Variants in SLC44A5 observed in about 807,000 individuals in gnomAD.
SLC44A5 encodes solute carrier family 44 member 5, also known as choline transporter-like protein 5.
Under a neutral mutation model 101.8 loss-of-function variants are expected in SLC44A5, and 57 were observed. That is an observed-to-expected ratio of 0.56 (90% CI 0.45 to 0.70). The LOEUF (loss-of-function observed/expected upper bound fraction) is 0.70, where lower values mean the gene tolerates loss of function less well. SLC44A5 is among the 30% of genes least tolerant of loss of function. The pLI, the probability that SLC44A5 is intolerant of heterozygous loss-of-function variation, is 0.00. For synonymous variants in SLC44A5, 281 were observed against 290.9 expected, an observed-to-expected ratio of 0.97 and a Z score of 0.35; for missense variants, 737 against 853.1, an observed-to-expected ratio of 0.86 and a Z score of 1.70.
chr1:75,274,930 C>T (rs748374785), intron 6 of SLC44A5, 28 bp downstream of exon 6: 7 of 1,574,902 alleles, frequency 4.4e-6, no homozygotes, highest in Non-Finnish European at 6.1e-6. Context: ...ACAGTAAAAT[C>T]ACACAAAGCA....
Position 75,579,997 on chromosome 1 carries a change from T to C in SLC44A5, c.-70+31043A>G, listed in dbSNP as rs190875389. On this transcript the variant is annotated intron_variant, in intron 1 of 23. Coordinates refer to ENST00000370859, the MANE Select transcript of SLC44A5 (RefSeq NM_001130058.2). ...TAAGGAGCAAGCATAGTATTTTCCA[T>C]GCATATTTTTACTAGTTGGAAATTG... Among the ~76,000 whole-genome samples the C allele has an allele frequency of 2.0e-5, 3 of 152,296 alleles. No homozygotes were observed. In the East Asian group the frequency reaches 5.8e-4, roughly 29 times the overall value.
chr1:75,425,178 A>G (rs1664238063), intron 2 of SLC44A5, among the ~76,000 whole-genome samples: 1 of 152,248 alleles, frequency 6.6e-6, no homozygotes, highest in Non-Finnish European at 1.5e-5. Flanking sequence ...GAGGTACAGC[A>G]AAAGGAGCCA....
chr1:75,321,451 AGAG>A (rs1182640763), intron 4 of SLC44A5, among the ~76,000 whole-genome samples: 1 of 88,216 alleles, frequency 1.1e-5, no homozygotes, highest in African/African-American at 9.9e-5. Context: ...GTTATATGGC[AGAG>A]AGAGAGAGAG....
At chr1:75,394,599 A>C (rs903898540) in intron 3 of SLC44A5, among the ~76,000 whole-genome samples, 1 of 152,136 alleles carries the variant, frequency 6.6e-6, no homozygotes, top group Non-Finnish European at 1.5e-5. Context: ...AGAGGAAGTG[A>C]AACGAGCCAC....
the SLC44A5 span, among the ~76,000 whole-genome samples, chr1:75,693,126 G>A: frequency 6.6e-6 from 1 of 152,104 alleles, no homozygotes; most frequent in Non-Finnish European, 1.5e-5. Flanking sequence ...CTGAGGTTGG[G>A]GTATCAAAGA....
chr1:75,385,369 A>C (rs1661242491), intron 3 of SLC44A5, among the ~76,000 whole-genome samples: 1 of 151,228 alleles, frequency 6.6e-6, no homozygotes, highest in Non-Finnish European at 1.5e-5. Context: ...AAAATGATAA[A>C]GGGGATATCG....
rs984502206 is a variant in SLC44A5 at position 75,401,147 on chromosome 1, T to C, written c.14-4526A>G. Among the ~76,000 whole-genome samples, 7 of 152,330 alleles carry C rather than the reference T, an allele frequency of 4.6e-5. No individual in the cohort carries two copies. The East Asian group carries it at 1.2e-3, about 25-fold the overall frequency. On this transcript the variant is annotated intron_variant, in intron 2 of 23. Transcript: ENST00000370859. The stretch of plus-strand genomic sequence containing the variant: ...CTGCATCATTTGAGAAAGAGGCTGG[T>C]TATAAACTCACTACTTAGGGCAAGA...
the SLC44A5 span, among the ~76,000 whole-genome samples, chr1:75,631,477 A>G: frequency 1.3e-5 from 2 of 150,074 alleles, no homozygotes; most frequent in Non-Finnish European, 3.0e-5. Context: ...GGCTCAAGCC[A>G]TCCTCTCACT....
chr1:75,317,596 T>C (rs1557656275), intron 4 of SLC44A5, among the ~76,000 whole-genome samples: 2 of 152,180 alleles, frequency 1.3e-5, no homozygotes, highest in African/African-American at 2.4e-5. Context: ...CTAGATGTCT[T>C]AACCAACTCA....
chr1:75,452,329 C>A (rs1017726931), intron 2 of SLC44A5, among the ~76,000 whole-genome samples: 4 of 152,036 alleles, frequency 2.6e-5, no homozygotes, highest in Non-Finnish European at 4.4e-5. Flanking sequence ...GAAATAAAAT[C>A]TTTTCCAGAC....
chr1:75,227,885 T>C, intron 12 of SLC44A5, 28 bp from the exon 13 acceptor site: 1 of 1,555,230 alleles, frequency 6.4e-7, no homozygotes, highest in Non-Finnish European at 8.7e-7. Flanking sequence ...AACAGAATAA[T>C]ATAAAATATG....
chr1:75,213,651 G>T, intron 22 of SLC44A5, 54 bp downstream of exon 22: 1 of 1,242,112 alleles, frequency 8.1e-7, no homozygotes, highest in Non-Finnish European at 1.2e-6. Context: ...AAGTCATCCA[G>T]TCTATAGTAT....
chr1:75,554,929 A>C (rs1449907925), intron 1 of SLC44A5, among the ~76,000 whole-genome samples: 3 of 152,152 alleles, frequency 2.0e-5, no homozygotes, highest in African/African-American at 7.2e-5. Flanking sequence ...TAAGAAGCTA[A>C]TAGAGAAAAT....
the SLC44A5 span, among the ~76,000 whole-genome samples, chr1:75,689,875 G>A: frequency 2.0e-5 from 3 of 152,072 alleles, no homozygotes; most frequent in Non-Finnish European, 4.4e-5. Context: ...TGTCTTCTAG[G>A]TTGCAACAGT....
intron 3 of SLC44A5, among the ~76,000 whole-genome samples, chr1:75,354,191 C>G (rs1035881113): frequency 7.2e-5 from 11 of 152,180 alleles, no homozygotes; most frequent in Non-Finnish European, 1.6e-4. Flanking sequence ...ATCCTAGTGC[C>G]ACAGGAAAGT....
At chr1:75,395,174 T>A (rs986929192) in intron 3 of SLC44A5, among the ~76,000 whole-genome samples, 22 of 152,098 alleles carry the variant, frequency 1.4e-4, no homozygotes, top group Non-Finnish European at 8.8e-5. Context: ...GAGGGCTTTA[T>A]TTTAGGCCTA....
intron 6 of SLC44A5, among the ~76,000 whole-genome samples, chr1:75,253,136 T>A (rs1376080158): frequency 2.6e-5 from 4 of 152,110 alleles, no homozygotes; most frequent in Admixed American, 2.6e-4. Flanking sequence ...GAAGGGGCAG[T>A]AGCTAGGAAA....
At chr1:75,680,754 C>A in the SLC44A5 span, among the ~76,000 whole-genome samples, 9 of 151,760 alleles carry the variant, frequency 5.9e-5, no homozygotes, top group Non-Finnish European at 1.0e-4. Context: ...CAAGACCTAA[C>A]TAAAATCAGA....
intron 2 of SLC44A5, among the ~76,000 whole-genome samples, chr1:75,427,013 C>CA (rs1174989110): frequency 1.3e-5 from 2 of 152,142 alleles, no homozygotes. Flanking sequence ...CTTTTTGGGG[C>CA]TCATTTTCCA....
Sources: gnomAD v4.1 joint callset for allele counts (sites outside exome capture counted in the v4.1 genomes callset) on GRCh38, gnomAD v4.1.1 for gene constraint, MANE v1.5 for transcripts, NCBI Gene and HGNC (gene_info 2026-07-23, HGNC 2026-07-21) for gene names.